The following SYT1 variants were observed in gnomAD, a reference collection of about 807,000 sequenced individuals.
The protein encoded by SYT1 is synaptotagmin 1, also known as synaptotagmin-1.
A neutral mutation model predicts 44.8 loss-of-function variants in SYT1; 8 were observed. The ratio of observed to expected loss-of-function variants is 0.18; its 90% CI spans 0.10 to 0.32. SYT1 has a LOEUF of 0.32. SYT1 is among the 10% of genes least tolerant of loss of function. The probability of loss-of-function intolerance (pLI) is 1.00; values close to 1 mark genes in which losing one functional copy is unlikely to be tolerated. For synonymous variants in SYT1, 154 were observed against 188.8 expected (o/e 0.82, Z 1.51); for missense variants, 286 against 509.3 (o/e 0.56, Z 4.22).
intron 2 of SYT1, among the ~76,000 whole-genome samples, chr12:78,997,829 CA>C (rs2137515856): frequency 6.6e-6 from 1 of 152,240 alleles, no homozygotes; most frequent in East Asian, 1.9e-4. Context: ...CCAGCAGCCT[CA>C]TGGAAAGAGA....
At chr12:79,357,542 A>C (rs1883160178) in intron 9 of SYT1, among the ~76,000 whole-genome samples, 1 of 152,196 alleles carries the variant, frequency 6.6e-6, no homozygotes, top group South Asian at 2.1e-4. Flanking sequence ...ACTGTAGGTA[A>C]TTGTATTTGT....
chr12:79,372,284 T>G (rs1422466442), intron 9 of SYT1, among the ~76,000 whole-genome samples: 1 of 152,218 alleles, frequency 6.6e-6, no homozygotes, highest in Non-Finnish European at 1.5e-5. Flanking sequence ...TAATCCCCAG[T>G]GTTTAACATA....
At chr12:79,224,641 A>G (rs1291937519) in intron 4 of SYT1, among the ~76,000 whole-genome samples, 1 of 152,042 alleles carries the variant, frequency 6.6e-6, no homozygotes, top group Non-Finnish European at 1.5e-5. Flanking sequence ...CAATTGTTCT[A>G]AAGAACTTAG....
rs560393552 is a variant in SYT1 at position 79,085,732 on chromosome 12, A to G, written c.-18+38370A>G. Among the ~76,000 whole-genome samples the G allele has an allele frequency of 7.2e-5, 11 of 152,276 alleles. 1 individual carries two copies. The East Asian group carries it at 1.7e-3, about 24-fold the overall frequency. Reference sequence around the variant, plus strand: ...ATGTAAATGAAAACATTGAACAAGAACAATACAGCAGTTATCAGGTCTGTT... The same window carrying G: ...ATGTAAATGAAAACATTGAACAAGAGCAATACAGCAGTTATCAGGTCTGTT... On this transcript the variant is annotated intron_variant, in intron 3 of 10. Coordinates refer to ENST00000261205, the MANE Select transcript of SYT1 (RefSeq NM_005639.3).
At chr12:79,409,699 G>A (rs540140684) in intron 9 of SYT1, among the ~76,000 whole-genome samples, 30 of 152,146 alleles carry the variant, frequency 2.0e-4, no homozygotes, top group African/African-American at 6.7e-4. Flanking sequence ...TTGGCTTGAA[G>A]GCATAGACAT....
chr12:79,348,285 G>A (rs1882694897), intron 8 of SYT1, among the ~76,000 whole-genome samples: 1 of 152,146 alleles, frequency 6.6e-6, no homozygotes, highest in Admixed American at 6.5e-5. Context: ...TATTACAGAG[G>A]TCTAGGTCAG....
chr12:79,306,293 A>G (rs73351053), intron 8 of SYT1, among the ~76,000 whole-genome samples: 1,672 of 152,348 alleles, frequency 0.011, 31 homozygotes, highest in African/African-American at 0.038. Flanking sequence ...GTTGCACTGT[A>G]GTATCCTAAA....
chr12:78,957,437 C>T (rs1253337145), intron 1 of SYT1, among the ~76,000 whole-genome samples: 1 of 152,110 alleles, frequency 6.6e-6, no homozygotes, highest in East Asian at 1.9e-4. Flanking sequence ...TGCTGAAGCA[C>T]TTACGACGTT....
chr12:79,034,633 C>T (rs1476982346), intron 2 of SYT1, among the ~76,000 whole-genome samples: 2 of 151,646 alleles, frequency 1.3e-5, no homozygotes, highest in African/African-American at 4.8e-5. Flanking sequence ...ATGCAATCTG[C>T]TGAATGCAGC....
At chr12:78,947,013 A>G (rs1319078130) in intron 1 of SYT1, among the ~76,000 whole-genome samples, 2 of 152,200 alleles carry the variant, frequency 1.3e-5, no homozygotes, top group African/African-American at 4.8e-5. Context: ...TCAAAAACAC[A>G]CCAAAACCCA....
intron 2 of SYT1, among the ~76,000 whole-genome samples, chr12:79,026,667 T>TTATATATATATATATATA (rs3064320): frequency 3.3e-4 from 34 of 102,254 alleles, no homozygotes; most frequent in Non-Finnish European, 4.5e-4. Flanking sequence ...CATATATATT[T>TTATATATATATATATATA]TATATATATA....
intron 8 of SYT1, among the ~76,000 whole-genome samples, chr12:79,325,736 A>G (rs1336157090): frequency 6.6e-6 from 1 of 152,196 alleles, no homozygotes; most frequent in African/African-American, 2.4e-5. Context: ...TCTGCCATTC[A>G]TGAGCCATGC....
At chr12:79,239,187 A>G (rs1437736947) in intron 4 of SYT1, among the ~76,000 whole-genome samples, 5 of 152,222 alleles carry the variant, frequency 3.3e-5, no homozygotes, top group Admixed American at 6.5e-5. Context: ...TTAGTTTTCT[A>G]TTGCTGCATA....
intron 9 of SYT1, among the ~76,000 whole-genome samples, chr12:79,360,594 G>A (rs1013169740): frequency 2.0e-5 from 3 of 152,088 alleles, no homozygotes; most frequent in Admixed American, 1.3e-4. Context: ...CAAATTAATT[G>A]GCCATGATAT....
intron 5 of SYT1, among the ~76,000 whole-genome samples, chr12:79,291,647 G>A (rs1437892981): frequency 6.6e-6 from 1 of 152,196 alleles, no homozygotes; most frequent in Non-Finnish European, 1.5e-5. Context: ...CTACATGAAT[G>A]TGAAACTTGG....
chr12:78,927,522 T>G (rs1403953353), intron 1 of SYT1, among the ~76,000 whole-genome samples: 5 of 152,184 alleles, frequency 3.3e-5, no homozygotes, highest in Non-Finnish European at 7.3e-5. Context: ...GAATCAAGCT[T>G]AAATTTCATG....
chr12:78,902,463 G>A lies in SYT1; in HGVS notation c.-217+37354G>A, dbSNP rs894474401. Among the ~76,000 whole-genome samples the A allele has an allele frequency of 2.6e-5, 4 of 152,112 alleles. No homozygotes were observed. The South Asian group carries it at 6.2e-4, about 24-fold the overall frequency. On this transcript the variant is annotated intron_variant, in intron 1 of 10. Coordinates refer to ENST00000261205, the MANE Select transcript of SYT1 (RefSeq NM_005639.3). ...AATTTATAAACAGCCATCTACCAGT[G>A]TTAGTTCCTTATAAACAATGATGCA...
At chr12:79,339,328 C>A (rs1013592722) in intron 8 of SYT1, among the ~76,000 whole-genome samples, 1 of 152,158 alleles carries the variant, frequency 6.6e-6, no homozygotes, top group Non-Finnish European at 1.5e-5. Context: ...CTCTCCAGCA[C>A]CTGTTGTTTC....
In SYT1 at chr12:79,451,691, C is replaced by T. The variant is rs1337589919; in HGVS notation, c.*2567C>T. The T allele has an allele frequency of 1.8e-4, 28 of 152,198 alleles. 2 individuals carry two copies. Among genetic ancestry groups the T allele is most frequent in the Admixed American group, 1.8e-3 (28 of 15,280 alleles). The allele number at this position is 152,198 out of a possible 1,614,324, so 9.4% of individuals were successfully genotyped here. On this transcript the variant is annotated 3_prime_UTR_variant, in exon 11 of 11. Transcript: ENST00000261205. ...AAATAAGCCACATGTACCCTTCTGA[C>T]AAAGCTGTGTAAAGTATTAGAATCT...
Sources: allele counts gnomAD v4.1 joint callset (sites outside exome capture counted in the v4.1 genomes callset), GRCh38; gene constraint gnomAD v4.1.1; transcripts MANE v1.5; gene names NCBI Gene and HGNC (gene_info 2026-07-23, HGNC 2026-07-21).